ATP6V0D2: variants seen among roughly 807,000 people sequenced by gnomAD.
ATP6V0D2 encodes the protein ATPase H+ transporting V0 subunit d2.
ATP6V0D2 carries 40 observed loss-of-function variants against 40.0 expected under a neutral mutation model. The observed-to-expected ratio is 1.00, with a 90% CI of 0.78 to 1.30. ATP6V0D2 has a LOEUF of 1.30. Among genes scored for constraint, ATP6V0D2 ranks in the 50% most tolerant of loss-of-function variants. The pLI, the probability that ATP6V0D2 is intolerant of heterozygous loss-of-function variation, is 0.00. For synonymous variants in ATP6V0D2, 179 were observed against 156.3 expected, an observed-to-expected ratio of 1.15 and a Z score of -1.08; for missense variants, 470 against 423.1, an observed-to-expected ratio of 1.11 and a Z score of -0.97.
At chr8:86,126,485 G>C (rs1818747610) in intron 2 of ATP6V0D2, among the ~76,000 whole-genome samples, 1 of 151,432 alleles carries the variant, frequency 6.6e-6, no homozygotes, top group Non-Finnish European at 1.5e-5. Context: ...CATGTAAAAC[G>C]ACTTACTCAA....
intron 1 of ATP6V0D2, among the ~76,000 whole-genome samples, chr8:86,102,165 T>G (rs1204510581): frequency 6.6e-6 from 1 of 152,108 alleles, no homozygotes; most frequent in African/African-American, 2.4e-5. Flanking sequence ...CTGTGTGGAG[T>G]TGATGTCCAC....
Position 86,142,956 on chromosome 8 carries a change from TAAGA to T in ATP6V0D2, c.639+7_639+10del, listed in dbSNP as rs1247370220. 1.2e-6 allele frequency: 2 copies of T among 1,600,168 alleles called. No homozygotes were observed. Among genetic ancestry groups the T allele is most frequent in the Non-Finnish European group, 1.7e-6 (2 of 1,169,864 alleles). On this transcript the variant is annotated splice_donor_5th_base_variant and intron_variant, in intron 5 of 7. Coordinates refer to ENST00000285393, the MANE Select transcript of ATP6V0D2 (RefSeq NM_152565.1). ...GAAGTTATGTGTCCCATTCTTGAGGTAAGAAAGAGTCCTTGAATTTTGTTATGCT... is the reference window on the plus strand; with the variant it reads ...GAAGTTATGTGTCCCATTCTTGAGGTAAGAGTCCTTGAATTTTGTTATGCT...
intron 2 of ATP6V0D2, among the ~76,000 whole-genome samples, chr8:86,128,270 A>T (rs1457698888): frequency 6.6e-6 from 1 of 152,156 alleles, no homozygotes; most frequent in Non-Finnish European, 1.5e-5. Context: ...AATCACTTGA[A>T]CCTGGGAGGT....
chr8:86,101,274 C>A lies in ATP6V0D2; in HGVS notation c.130+2166C>A, dbSNP rs1274955150. Among the ~76,000 whole-genome samples the A allele has an allele frequency of 5.9e-5, 9 of 151,498 alleles. No homozygotes were observed. In the East Asian group the frequency reaches 1.7e-3, roughly 29 times the overall value. On this transcript the variant is annotated intron_variant, in intron 1 of 7. Transcript: ENST00000285393. ...AGGAGTTCAAGACCAGCCTGAGCAA[C>A]ACAGCAAGACCTCGTCTCTACTAAA... is the stretch of plus-strand genomic sequence containing the variant.
intron 5 of ATP6V0D2, 133 bp from the exon 6 acceptor site, chr8:86,149,979 T>C (rs1308205294): frequency 2.5e-6 from 2 of 810,888 alleles, no homozygotes; most frequent in Non-Finnish European, 1.9e-6. Context: ...TAATAACACA[T>C]GTCTGGAGTA....
chr8:86,099,802 TACATTTTAA>T (rs1473675329), intron 1 of ATP6V0D2, among the ~76,000 whole-genome samples: 1 of 152,212 alleles, frequency 6.6e-6, no homozygotes, highest in East Asian at 1.9e-4. Flanking sequence ...CAGATTCTTA[TACATTTTAA>T]AGACATTTTG....
intron 2 of ATP6V0D2, among the ~76,000 whole-genome samples, chr8:86,120,976 A>T (rs1563558965): frequency 6.6e-6 from 1 of 152,208 alleles, no homozygotes; most frequent in Non-Finnish European, 1.5e-5. Flanking sequence ...AATGGAGCCC[A>T]TGTGTATTTT....
At chr8:86,122,323 G>A (rs1028203694) in intron 2 of ATP6V0D2, among the ~76,000 whole-genome samples, 3 of 152,166 alleles carry the variant, frequency 2.0e-5, no homozygotes, top group Non-Finnish European at 2.9e-5. Context: ...AGTTTACTAA[G>A]AATCTGACGT....
chr8:86,109,037 T>A (rs1818503464), intron 1 of ATP6V0D2, among the ~76,000 whole-genome samples: 1 of 152,212 alleles, frequency 6.6e-6, no homozygotes, highest in Non-Finnish European at 1.5e-5. Flanking sequence ...TTTCCTTATT[T>A]TAATAAAAAG....
intron 2 of ATP6V0D2, among the ~76,000 whole-genome samples, chr8:86,121,852 T>C (rs1330334328): frequency 4.6e-5 from 7 of 152,226 alleles, no homozygotes. Context: ...AAATCTGTTT[T>C]ATTAGAGACA....
chr8:86,132,701 C>G (rs2130262009), intron 2 of ATP6V0D2, among the ~76,000 whole-genome samples: 1 of 152,192 alleles, frequency 6.6e-6, no homozygotes, highest in Middle Eastern at 3.4e-3. Context: ...TGTATCTGTA[C>G]CATACTTTCT....
chr8:86,123,626 A>G (rs1323095801), intron 2 of ATP6V0D2, among the ~76,000 whole-genome samples: 1 of 152,228 alleles, frequency 6.6e-6, no homozygotes, highest in Non-Finnish European at 1.5e-5. Context: ...TTTATGAGGC[A>G]TGAGGGAAAG....
chr8:86,152,834 GCATTCAA>G lies in ATP6V0D2; in HGVS notation c.913_919del (p.Phe305AspfsTer12), dbSNP rs772641454. On this transcript the variant is annotated frameshift_variant, in exon 8 of 8. Coordinates refer to ENST00000285393, the MANE Select transcript of ATP6V0D2 (RefSeq NM_152565.1). LOFTEE classifies it high-confidence loss of function. ...TCCTCAGGTACAAATGAATGTGCTG[GCATTCAA>G]CAGACAGTTCCACTACGGTGTGTTT... The G allele has an allele frequency of 6.3e-6, 10 of 1,593,904 alleles. No homozygotes were observed. The highest frequency in any genetic ancestry group is 1.7e-4 in the Middle Eastern group (1 of 5,964).
At chr8:86,142,834 T>C (rs764117186) in intron 4 of ATP6V0D2, 43 bp from the exon 5 acceptor site, 1 of 1,270,880 alleles carries the variant, frequency 7.9e-7, no homozygotes, top group Admixed American at 1.9e-5. Context: ...TCAAAAGGAA[T>C]ATATATTCAT....
At position 86,153,085 on chromosome 8, in the gene ATP6V0D2, C is replaced by T; in HGVS notation, c.*108C>T. 1 of 923,440 alleles carries T rather than the reference C, an allele frequency of 1.1e-6. No homozygotes were observed. Among genetic ancestry groups the T allele is most frequent in the Non-Finnish European group, 1.5e-6 (1 of 656,908 alleles). The allele number at this position is 923,440 out of a possible 1,614,324, so 57.2% of individuals were successfully genotyped here. On this transcript the variant is annotated 3_prime_UTR_variant, in exon 8 of 8. Coordinates refer to ENST00000285393, the MANE Select transcript of ATP6V0D2 (RefSeq NM_152565.1). ...ATCTAGACTACACAAAAGTAAGCCA[C>T]ACTATATCTTCATGAGTTGCAAATC...
chr8:86,138,998 C>A (rs2626334), intron 2 of ATP6V0D2, among the ~76,000 whole-genome samples: 129,723 of 152,134 alleles, frequency 0.85, 55,436 homozygotes, highest in Middle Eastern at 0.91. Context: ...GAGGCCAAGG[C>A]GGGCAGATCA....
chr8:86,134,628 T>G (rs1818873854), intron 2 of ATP6V0D2, among the ~76,000 whole-genome samples: 1 of 152,166 alleles, frequency 6.6e-6, no homozygotes, highest in African/African-American at 2.4e-5. Flanking sequence ...CTTAAAAAAC[T>G]AAACATATTC....
At chr8:86,112,559 C>A (rs185605066) in intron 1 of ATP6V0D2, among the ~76,000 whole-genome samples, 242 of 152,152 alleles carry the variant, frequency 1.6e-3, no homozygotes, top group African/African-American at 5.7e-3. Flanking sequence ...CAGTACAATA[C>A]CTGGTACCTA....
intron 1 of ATP6V0D2, among the ~76,000 whole-genome samples, chr8:86,099,753 C>G (rs1164261350): frequency 1.3e-5 from 2 of 152,184 alleles, no homozygotes; most frequent in African/African-American, 4.8e-5. Context: ...CTTGGCCTCC[C>G]AAAGTGCTGG....
Sources: gnomAD v4.1 joint callset for allele counts (sites outside exome capture counted in the v4.1 genomes callset) on GRCh38, gnomAD v4.1.1 for gene constraint, MANE v1.5 for transcripts, NCBI Gene and HGNC (gene_info 2026-07-23, HGNC 2026-07-21) for gene names.